BCAS1: variants seen among roughly 807,000 people sequenced by gnomAD.
BCAS1 encodes the protein brain enriched myelin associated protein 1.
BCAS1 carries 46 observed loss-of-function variants against 65.4 expected under a neutral mutation model. That is an observed-to-expected ratio of 0.70 (90% CI 0.55 to 0.90). The LOEUF (loss-of-function observed/expected upper bound fraction) is 0.90. Among genes scored for constraint, BCAS1 ranks in the 40% least tolerant of loss-of-function variants. The probability of loss-of-function intolerance (pLI) is 0.00; values close to 1 mark genes in which losing one functional copy is unlikely to be tolerated. For synonymous variants in BCAS1, 298 were observed against 293.5 expected (o/e 1.02, Z -0.16); for missense variants, 793 against 771.2 (o/e 1.03, Z -0.33).
intron 9 of BCAS1, among the ~76,000 whole-genome samples, chr20:53,973,161 G>C (rs963769339): frequency 2.0e-5 from 3 of 152,190 alleles, no homozygotes; most frequent in Admixed American, 1.3e-4. Context: ...CTGGGTGGGT[G>C]GAGGTTGCAG....
intron 3 of BCAS1, among the ~76,000 whole-genome samples, chr20:54,029,427 G>A (rs1025220909): frequency 1.3e-5 from 2 of 152,188 alleles, no homozygotes; most frequent in Non-Finnish European, 2.9e-5. Flanking sequence ...TGCCTCATAG[G>A]CTGATTAGCA....
intron 11 of BCAS1, 128 bp downstream of exon 11, chr20:53,957,304 T>G: frequency 2.5e-6 from 2 of 804,238 alleles, no homozygotes; most frequent in Non-Finnish European, 4.2e-6. Flanking sequence ...TCTTGGCATA[T>G]AGTAGGTGCT....
At chr20:53,955,605 C>T (rs536372622) in intron 11 of BCAS1, among the ~76,000 whole-genome samples, 6 of 152,242 alleles carry the variant, frequency 3.9e-5, no homozygotes, top group South Asian at 2.1e-4. Flanking sequence ...TGCTGTGTGA[C>T]CAAGGATAAA....
intron 4 of BCAS1, among the ~76,000 whole-genome samples, chr20:54,022,259 T>C (rs2091576936): frequency 2.0e-5 from 3 of 151,816 alleles, no homozygotes; most frequent in Admixed American, 2.0e-4. Flanking sequence ...ATCCTCCTTG[T>C]TAAGTGAACC....
intron 4 of BCAS1, among the ~76,000 whole-genome samples, chr20:54,027,422 C>A (rs2091697002): frequency 6.6e-6 from 1 of 152,150 alleles, no homozygotes; most frequent in Non-Finnish European, 1.5e-5. Context: ...TAAATGACAG[C>A]AAGTGTAATT....
At chr20:53,980,631 AC>A (rs2090453241) in intron 8 of BCAS1, among the ~76,000 whole-genome samples, 1 of 152,218 alleles carries the variant, frequency 6.6e-6, no homozygotes, top group Non-Finnish European at 1.5e-5. Context: ...TTTTACTCAA[AC>A]ATCACATCTG....
chr20:53,953,650 G>A lies in BCAS1; in HGVS notation c.1597C>T (p.Pro533Ser), dbSNP rs562320122. ...TTACCCTTCTGTGGTGCTCCTGTTG[G>A]TTCAGGCTCTGGCGGTGTGATAGTC... ...EKTITPPEPE[P>S]TGAPQKGKEG... is the part of the protein sequence containing the mutation. The change falls in exon 12 of 13, where the codon CCA becomes TCA. Residue 533 changes from proline to serine, a missense_variant. Transcript: ENST00000688948. 7.7e-5 allele frequency: 125 copies of A among 1,613,834 alleles called. 1 individual carries two copies. In the South Asian group the frequency reaches 1.3e-3, roughly 17 times the overall value.
At chr20:53,961,535 T>C (rs1283641799) in intron 10 of BCAS1, among the ~76,000 whole-genome samples, 2 of 152,248 alleles carry the variant, frequency 1.3e-5, no homozygotes, top group Non-Finnish European at 2.9e-5. Context: ...AAAACCTATG[T>C]GCAAGCTTTA....
intron 11 of BCAS1, among the ~76,000 whole-genome samples, chr20:53,955,958 T>A (rs950573146): frequency 2.0e-5 from 3 of 152,182 alleles, no homozygotes; most frequent in African/African-American, 7.2e-5. Flanking sequence ...ATATATTTCC[T>A]GTTTAAAAAT....
chr20:53,997,040 G>A (rs1439526443), intron 4 of BCAS1, among the ~76,000 whole-genome samples: 2 of 152,162 alleles, frequency 1.3e-5, no homozygotes, highest in Admixed American at 1.3e-4. Flanking sequence ...GGTCATAAGT[G>A]TCATCTCTTT....
intron 1 of BCAS1, among the ~76,000 whole-genome samples, chr20:54,068,967 T>G (rs1030572045): frequency 2.6e-5 from 4 of 152,172 alleles, no homozygotes; most frequent in African/African-American, 9.7e-5. Flanking sequence ...ACGGGCCCAT[T>G]GCTTTTCCCA....
intron 8 of BCAS1, among the ~76,000 whole-genome samples, chr20:53,981,597 G>C (rs2090482825): frequency 6.7e-6 from 1 of 149,290 alleles, no homozygotes; most frequent in Admixed American, 6.7e-5. Flanking sequence ...GATGTCATTG[G>C]CCAATTTTAT....
chr20:54,054,528 A>C (rs373307061), intron 3 of BCAS1, among the ~76,000 whole-genome samples: 1 of 152,330 alleles, frequency 6.6e-6, no homozygotes, highest in East Asian at 1.9e-4. Context: ...CTTAGCTAAT[A>C]ACCTTAGGAA....
At chr20:54,064,907 TC>T (rs3838057) in intron 1 of BCAS1, among the ~76,000 whole-genome samples, 74,989 of 151,932 alleles carry the variant, frequency 0.49, 20,160 homozygotes, top group African/African-American at 0.72. Flanking sequence ...ACTTTTATTT[TC>T]CCAGTTGTCT....
intron 3 of BCAS1, among the ~76,000 whole-genome samples, chr20:54,038,974 C>T (rs1472206145): frequency 2.0e-5 from 3 of 151,184 alleles, no homozygotes; most frequent in Admixed American, 6.6e-5. Context: ...GAAAAGTGGA[C>T]AACACAACAC....
At chr20:54,007,262 C>T (rs576094076) in intron 4 of BCAS1, among the ~76,000 whole-genome samples, 1 of 152,278 alleles carries the variant, frequency 6.6e-6, no homozygotes, top group East Asian at 1.9e-4. Flanking sequence ...GCTAGACATA[C>T]AGGGGATATC....
rs2091736095 is a variant in BCAS1, at chr20:54,028,786, T to A, written c.329A>T (p.Gln110Leu). The change falls in exon 4 of 13, where the codon CAA (glutamine) becomes CTA (leucine). Residue 110 changes from glutamine (Q) to leucine (L), a missense_variant. Coordinates refer to ENST00000688948, the MANE Select transcript of BCAS1 (RefSeq NM_001366298.2). ...SRPVPGRTGD[Q>L]AADSSLGSVK... ...TGATCCAAGGGATGAATCTGCGGCT[T>A]GGTCTCCGGTACGTCCTGGTACAGG... 3.1e-6 allele frequency: 5 copies of A among 1,614,086 alleles called. No individual in the cohort carries two copies. Among genetic ancestry groups the A allele is most frequent in the Non-Finnish European group, 2.5e-6 (3 of 1,180,026 alleles).
chr20:53,977,416 G>T (rs1429404123), intron 8 of BCAS1, among the ~76,000 whole-genome samples: 1 of 152,150 alleles, frequency 6.6e-6, no homozygotes, highest in East Asian at 1.9e-4. Flanking sequence ...GCCCACAAAA[G>T]TTTCAGGAAT....
At chr20:54,036,518 A>AAC (rs1216904082) in intron 3 of BCAS1, among the ~76,000 whole-genome samples, 5 of 151,360 alleles carry the variant, frequency 3.3e-5, no homozygotes, top group African/African-American at 9.7e-5. Context: ...GGATCACAGG[A>AAC]ACCTGGCTTT....
Sources: allele counts gnomAD v4.1 joint callset (sites outside exome capture counted in the v4.1 genomes callset), GRCh38; gene constraint gnomAD v4.1.1; transcripts MANE v1.5; gene names NCBI Gene and HGNC (gene_info 2026-07-23, HGNC 2026-07-21).